The following PLIN3 variants were observed in gnomAD, a reference collection of about 807,000 sequenced individuals.
PLIN3 encodes perilipin-3.
In PLIN3, 30 loss-of-function variants were observed where a neutral mutation model predicts 35.9. That is an observed-to-expected ratio of 0.84 (90% CI 0.62 to 1.13). The LOEUF (loss-of-function observed/expected upper bound fraction) is 1.13, where lower values mean the gene tolerates loss of function less well. Ranked by LOEUF, PLIN3 falls within the 50% of genes most tolerant of loss-of-function variation. The pLI is 0.00. For synonymous variants in PLIN3, 261 were observed against 262.5 expected (o/e 0.99, Z 0.06); for missense variants, 603 against 596.9 (o/e 1.01, Z -0.11).
At chr19:4,856,964 C>A (rs547250375) in intron 4 of PLIN3, among the ~76,000 whole-genome samples, 10 of 152,162 alleles carry the variant, frequency 6.6e-5, no homozygotes, top group Non-Finnish European at 8.8e-5. Flanking sequence ...CTTCGGCCTC[C>A]CAAAGTGCTG....
At chr19:4,847,191 A>AT (rs34037864) in intron 6 of PLIN3, among the ~76,000 whole-genome samples, 26 of 138,122 alleles carry the variant, frequency 1.9e-4, no homozygotes, top group East Asian at 1.3e-3. Context: ...CCTGGCCACG[A>AT]TTTTTTTTTT....
intron 4 of PLIN3, among the ~76,000 whole-genome samples, chr19:4,859,384 T>C (rs184382369): frequency 3.3e-5 from 5 of 152,194 alleles, no homozygotes; most frequent in African/African-American, 1.2e-4. Context: ...TAGATGGGCA[T>C]GGTTGCAGGC....
Position 4,839,171 on chromosome 19 carries a change from G to A in PLIN3, c.*21C>T, listed in dbSNP as rs112206231. 365 of 1,567,550 alleles carry A rather than the reference G, an allele frequency of 2.3e-4. 5 individuals are homozygous for A. In the African/African-American group the frequency reaches 2.7e-3, roughly 12 times the overall value. The stretch of plus-strand genomic sequence containing the variant: ...CAGCTGCATTATAGAGACGGGGCCC[G>A]CTGAGTCCTCTCCTCTCCCCCTACT... On this transcript the variant is annotated 3_prime_UTR_variant, in exon 8 of 8. Coordinates refer to ENST00000221957, the MANE Select transcript of PLIN3 (RefSeq NM_005817.5).
chr19:4,862,759 G>A lies in PLIN3; in HGVS notation c.-17-1348C>T, dbSNP rs1327408796. ...CCTTGACCCAGAAACCTCACTTCGG[G>A]GAAGAACCCACACCTGTGTTTCCAC... On this transcript the variant is annotated intron_variant, in intron 1 of 7. Transcript: ENST00000221957. 2.0e-5 allele frequency among the ~76,000 whole-genome samples: 3 copies of A among 152,172 alleles called. 1 individual carries two copies. The highest frequency in any genetic ancestry group is 6.6e-5 in the Admixed American group (1 of 15,250).
chr19:4,854,099 AT>A (rs1168800888), intron 4 of PLIN3, among the ~76,000 whole-genome samples: 2 of 151,518 alleles, frequency 1.3e-5, no homozygotes, highest in African/African-American at 4.8e-5. Flanking sequence ...CACCCGGCTT[AT>A]TTTTTTATTT....
intron 5 of PLIN3, among the ~76,000 whole-genome samples, chr19:4,850,525 A>G: frequency 6.7e-6 from 1 of 149,234 alleles, no homozygotes; most frequent in Non-Finnish European, 1.5e-5. Flanking sequence ...GGTTCATGCC[A>G]TTCTCCTGCC....
intron 4 of PLIN3, among the ~76,000 whole-genome samples, chr19:4,856,888 T>C (rs1449029794): frequency 2.0e-5 from 3 of 151,864 alleles, no homozygotes; most frequent in Non-Finnish European, 4.4e-5. Context: ...GAATTTTTAG[T>C]AGACACAGGG....
chr19:4,857,793 T>C (rs145154727), intron 4 of PLIN3, among the ~76,000 whole-genome samples: 57 of 151,242 alleles, frequency 3.8e-4, no homozygotes, highest in Non-Finnish European at 6.8e-4. Flanking sequence ...CTGACCAACA[T>C]GGTAAAACCC....
intron 3 of PLIN3, 68 bp from the exon 4 acceptor site, chr19:4,859,740 G>C: frequency 2.5e-6 from 4 of 1,599,550 alleles, no homozygotes; most frequent in Non-Finnish European, 3.4e-6. Context: ...CAGGGGGACA[G>C]GACCAAGAGC....
chr19:4,861,195 T>C (rs1367964888), intron 2 of PLIN3, 134 bp downstream of exon 2: 3 of 757,220 alleles, frequency 4.0e-6, no homozygotes, highest in Non-Finnish European at 6.9e-6. Flanking sequence ...CATACCCCAC[T>C]GAGGAATAAA....
At chr19:4,850,913 T>C (rs1205209046) in intron 5 of PLIN3, among the ~76,000 whole-genome samples, 2 of 151,950 alleles carry the variant, frequency 1.3e-5, no homozygotes, top group Non-Finnish European at 2.9e-5. Flanking sequence ...ATCCCCGCAC[T>C]TTGGGGGGCT....
intron 4 of PLIN3, among the ~76,000 whole-genome samples, chr19:4,858,518 C>T (rs910086416): frequency 1.3e-5 from 2 of 150,650 alleles, no homozygotes; most frequent in African/African-American, 2.4e-5. Flanking sequence ...ACTAGGACTA[C>T]AGGCACACGC....
chr19:4,847,457 A>C (rs372339098), intron 6 of PLIN3, among the ~76,000 whole-genome samples: 65 of 152,174 alleles, frequency 4.3e-4, no homozygotes, highest in African/African-American at 1.4e-3. Context: ...GGGCTCCCAA[A>C]GCACTTGAGG....
rs753906191 is a variant in PLIN3, at chr19:4,844,813, A to G, written c.835-20T>C. ...TTCCATCTGGGGCAGGGGAGAGAGA[A>G]GTGAGGGAAGGAGGCTCCCCTGGGA... On this transcript the variant is annotated intron_variant, in intron 6 of 7. Coordinates refer to ENST00000221957, the MANE Select transcript of PLIN3 (RefSeq NM_005817.5). The G allele has an allele frequency of 2.5e-5, 40 of 1,579,560 alleles. 2 individuals carry two copies. In the South Asian group the frequency reaches 4.5e-4, roughly 18 times the overall value.
At chr19:4,845,990 C>T (rs1241203249) in intron 6 of PLIN3, among the ~76,000 whole-genome samples, 6 of 149,684 alleles carry the variant, frequency 4.0e-5, no homozygotes, top group South Asian at 2.1e-4. Context: ...TTTGGGAGGC[C>T]GAGGCGGGCG....
rs11383489 is a variant in PLIN3, at chr19:4,842,599, CAAAA to C, written c.960+2065_960+2068del. ...AGGGTGACAGAGTGAGACTCTATCT[CAAAA>C]AAAAAAAAAAAAAAAAAAAAGGCAC... On this transcript the variant is annotated intron_variant, in intron 7 of 7. Coordinates refer to ENST00000221957, the MANE Select transcript of PLIN3 (RefSeq NM_005817.5). Among the ~76,000 whole-genome samples, 291 of 46,900 alleles carry C rather than the reference CAAAA, an allele frequency of 6.2e-3. 6 individuals are homozygous for C. In the Admixed American group the frequency reaches 0.065, roughly 11 times the overall value. The allele number at this position is 46,900 out of a possible 152,430, so 30.8% of individuals were successfully genotyped here.
At chr19:4,853,359 C>T (rs2030367564) in intron 4 of PLIN3, among the ~76,000 whole-genome samples, 2 of 151,886 alleles carry the variant, frequency 1.3e-5, no homozygotes, top group South Asian at 4.2e-4. Flanking sequence ...GAGTTTCACT[C>T]TTGTTGCCCA....
In PLIN3 at chr19:4,847,739, C is replaced by G. The variant is rs778627777; in HGVS notation, c.786G>C (p.Lys262Asn). 3.1e-6 allele frequency: 5 copies of G among 1,611,738 alleles called. No homozygotes were observed. In the Admixed American group the frequency reaches 8.4e-5, roughly 27 times the overall value. The change falls in exon 6 of 8, where the codon AAG (lysine) becomes AAC (asparagine). Residue 262 changes from lysine (K) to asparagine (N), a missense_variant. Lys to Asn is a moderately conservative substitution (Grantham distance 94). Coordinates refer to ENST00000221957, the MANE Select transcript of PLIN3 (RefSeq NM_005817.5). ...GCAGCAGAGCCTCCTGTGCCCTCTG[C>G]TTGGTGGCTCGAAGCTTGCCCAGCG... ...EHSLGKLRAT[K>N]QRAQEALLQL...
intron 7 of PLIN3, 127 bp from the exon 8 acceptor site, chr19:4,839,663 G>C: frequency 3.2e-6 from 2 of 618,864 alleles, no homozygotes; most frequent in Non-Finnish European, 4.9e-6. Flanking sequence ...TTCCATAGGC[G>C]AAACTTTTTT....
Sources: gnomAD v4.1 joint callset for allele counts (sites outside exome capture counted in the v4.1 genomes callset) on GRCh38, gnomAD v4.1.1 for gene constraint, MANE v1.5 for transcripts, NCBI Gene and HGNC (gene_info 2026-07-23, HGNC 2026-07-21) for gene names.